Variants in MUC7 observed in about 807,000 individuals in gnomAD.
MUC7 encodes mucin 7, secreted.
MUC7 carries 2 observed loss-of-function variants against 2.5 expected under a neutral mutation model. The ratio of observed to expected loss-of-function variants is 0.81; its 90% CI spans 0.33 to 2.55. The LOEUF (loss-of-function observed/expected upper bound fraction) is 2.55. Ranked by LOEUF, MUC7 falls within the 30% of genes most tolerant of loss-of-function variation. The probability of loss-of-function intolerance (pLI) is 0.11; values close to 1 mark genes in which losing one functional copy is unlikely to be tolerated. For synonymous variants in MUC7, 133 were observed against 173.4 expected (o/e 0.77, Z 1.83); for missense variants, 408 against 455.6 (o/e 0.90, Z 0.95).
chr4:70,479,743 C>A (rs541533101), intron 2 of MUC7, among the ~76,000 whole-genome samples: 16 of 152,154 alleles, frequency 1.1e-4, no homozygotes, highest in Non-Finnish European at 2.4e-4. Context: ...ATAAAAATAT[C>A]TTGCAAAATG....
chr4:70,466,408 A>C (rs1734684166), intron 1 of MUC7, among the ~76,000 whole-genome samples: 1 of 152,228 alleles, frequency 6.6e-6, no homozygotes, highest in Non-Finnish European at 1.5e-5. Flanking sequence ...CATGCATAAC[A>C]ATATTAACCT....
intron 1 of MUC7, among the ~76,000 whole-genome samples, chr4:70,450,746 G>C (rs1734259239): frequency 6.6e-6 from 1 of 152,118 alleles, no homozygotes; most frequent in Admixed American, 6.5e-5. Flanking sequence ...GGTTTTCTGG[G>C]AACTAGGGCC....
intron 1 of MUC7, among the ~76,000 whole-genome samples, chr4:70,456,387 T>A: frequency 6.6e-6 from 1 of 152,180 alleles, no homozygotes; most frequent in Non-Finnish European, 1.5e-5. Context: ...GATTTATTAG[T>A]CCATTTTCAC....
At chr4:70,474,635 A>G (rs1431669047) in intron 2 of MUC7, among the ~76,000 whole-genome samples, 8 of 152,224 alleles carry the variant, frequency 5.3e-5, no homozygotes, top group Admixed American at 5.2e-4. Flanking sequence ...CAATATCTAT[A>G]GAGCACAAAC....
rs1023159035 is a variant in MUC7 at position 70,481,497 on chromosome 4, C to T, written c.753C>T (p.Ser251=). The T allele has an allele frequency of 6.2e-7, 1 of 1,602,580 alleles. No individual in the cohort carries two copies. The highest frequency in any genetic ancestry group is 8.5e-7 in the Non-Finnish European group (1 of 1,175,458). Residue 251 remains serine (S), a synonymous_variant, in exon 3 of 3, where the codon TCC becomes TCT. Transcript: ENST00000304887. ...CAACTACACCAGCTCCACTATCTTC[C>T]TCAGCTCCACCAGAGACCACAGCTG... ...PSATTPAPLS[S]SAPPETTAVP...
At position 70,460,198 on chromosome 4, in the gene MUC7, G is replaced by A. The variant is rs114570248; in HGVS notation, c.-92-12017G>A. Reference sequence around the variant, plus strand: ...ACGGCTAGATGTAAGGGAAAAAAAAGGAAAAGAGAAGGGGAAGACAGATAC... The same window carrying A: ...ACGGCTAGATGTAAGGGAAAAAAAAAGAAAAGAGAAGGGGAAGACAGATAC... On this transcript the variant is annotated intron_variant, in intron 1 of 3. Transcript: ENST00000413702. 6.4e-3 allele frequency among the ~76,000 whole-genome samples: 978 copies of A among 152,054 alleles called. 18 individuals are homozygous for A. The highest frequency in any genetic ancestry group is 0.023 in the African/African-American group (935 of 41,470).
chr4:70,482,119 GAT>G lies in MUC7; in HGVS notation c.*243_*244del. ...AAAATAACTCTTTGGATCCTACAGA[GAT>G]AGCCTACTGAGGGCAAAGAAAGTCC... On this transcript the variant is annotated 3_prime_UTR_variant, in exon 3 of 3. Transcript: ENST00000304887. 1.9e-6 allele frequency: 1 copy of G among 513,714 alleles called. No homozygotes were observed. The highest frequency in any genetic ancestry group is 3.4e-5 in the East Asian group (1 of 29,200). The allele number at this position is 513,714 out of a possible 1,614,324, so 31.8% of individuals were successfully genotyped here. A position where few individuals can be genotyped will look rare whatever the true frequency, so the allele number is the denominator to read the frequency against.
intron 1 of MUC7, among the ~76,000 whole-genome samples, chr4:70,442,609 T>C (rs1734037186): frequency 6.6e-6 from 1 of 152,208 alleles, no homozygotes; most frequent in Non-Finnish European, 1.5e-5. Flanking sequence ...GGAAGTGAAC[T>C]CAGGGATAGA....
chr4:70,457,175 G>A (rs1734435632), intron 1 of MUC7, among the ~76,000 whole-genome samples: 1 of 152,176 alleles, frequency 6.6e-6, no homozygotes, highest in Admixed American at 6.5e-5. Flanking sequence ...AGGTGTGGTG[G>A]CTCATACCTG....
chr4:70,465,145 T>G (rs1336152400), intron 1 of MUC7, among the ~76,000 whole-genome samples: 1 of 152,154 alleles, frequency 6.6e-6, no homozygotes, highest in Non-Finnish European at 1.5e-5. Context: ...CCAGCAGACC[T>G]AGGGCAGAGG....
intron 2 of MUC7, among the ~76,000 whole-genome samples, chr4:70,480,294 G>A (rs372445526): frequency 1.1e-3 from 175 of 152,302 alleles, no homozygotes; most frequent in African/African-American, 3.8e-3. Flanking sequence ...ACATGAAGCC[G>A]GGGTGGGATA....
At chr4:70,470,563 G>A (rs546483820), upstream of MUC7, among the ~76,000 whole-genome samples, 1 of 152,208 alleles carries the variant, frequency 6.6e-6, no homozygotes, top group Admixed American at 6.5e-5. Flanking sequence ...ATTTAGGACT[G>A]AGGATAATTA....
At chr4:70,479,062 C>T (rs1039273153) in intron 2 of MUC7, among the ~76,000 whole-genome samples, 2 of 152,122 alleles carry the variant, frequency 1.3e-5, no homozygotes, top group African/African-American at 4.8e-5. Context: ...CTTAGAGGAA[C>T]ATATTTGAAA....
chr4:70,468,393 T>C (rs1734735589), upstream of MUC7, among the ~76,000 whole-genome samples: 1 of 152,138 alleles, frequency 6.6e-6, no homozygotes, highest in African/African-American at 2.4e-5. Flanking sequence ...CAACATAGTA[T>C]GGGAAGTTCT....
At chr4:70,438,377 C>T (rs1000418638) in intron 1 of MUC7, among the ~76,000 whole-genome samples, 1 of 152,112 alleles carries the variant, frequency 6.6e-6, no homozygotes, top group African/African-American at 2.4e-5. Context: ...TGTTTGATAA[C>T]TCCTGGAAAA....
intron 1 of MUC7, among the ~76,000 whole-genome samples, chr4:70,467,036 G>C (rs7692087): frequency 5.3e-4 from 81 of 152,078 alleles, no homozygotes; most frequent in Admixed American, 5.3e-3. Flanking sequence ...AAATGCAAAA[G>C]AATGGAAATC....
intron 1 of MUC7, among the ~76,000 whole-genome samples, chr4:70,449,409 T>C (rs1734224529): frequency 6.6e-6 from 1 of 152,102 alleles, no homozygotes; most frequent in Non-Finnish European, 1.5e-5. Context: ...CTAGATCTCA[T>C]GAGACTTATT....
At chr4:70,449,553 A>G (rs1480246970) in intron 1 of MUC7, among the ~76,000 whole-genome samples, 15 of 152,060 alleles carry the variant, frequency 9.9e-5, no homozygotes, top group Admixed American at 9.2e-4. Flanking sequence ...CAGCCAAACC[A>G]TATCATCTTC....
chr4:70,478,287 A>T (rs1275813500), intron 2 of MUC7, among the ~76,000 whole-genome samples: 2 of 152,152 alleles, frequency 1.3e-5, no homozygotes, highest in East Asian at 3.8e-4. Flanking sequence ...TATTGTTATC[A>T]TTTCCATGCA....
Sources: gnomAD v4.1 joint callset for allele counts (sites outside exome capture counted in the v4.1 genomes callset) on GRCh38, gnomAD v4.1.1 for gene constraint, MANE v1.5 for transcripts, NCBI Gene and HGNC (gene_info 2026-07-23, HGNC 2026-07-21) for gene names.